The following CFAP157 variants were observed in gnomAD, a reference collection of about 807,000 sequenced individuals.
CFAP157 encodes cilia and flagella associated protein 157, also known as cilia- and flagella-associated protein 157.
Under a neutral mutation model 57.8 loss-of-function variants are expected in CFAP157, and 43 were observed. That is an observed-to-expected ratio of 0.74 (90% CI 0.58 to 0.96). The LOEUF (loss-of-function observed/expected upper bound fraction) is 0.96, where lower values mean the gene tolerates loss of function less well. Ranked by LOEUF, CFAP157 falls within the 40% of genes least tolerant of loss-of-function variation. The pLI, the probability that CFAP157 is intolerant of heterozygous loss-of-function variation, is 0.00. For synonymous variants in CFAP157, 267 were observed against 269.0 expected (o/e 0.99, Z 0.07); for missense variants, 606 against 655.3 (o/e 0.92, Z 0.82).
intron 7 of CFAP157, 68 bp downstream of exon 7, chr9:127,712,943 G>A: frequency 6.3e-7 from 1 of 1,590,246 alleles, no homozygotes; most frequent in Non-Finnish European, 8.6e-7. Context: ...TTCAGCCATG[G>A]GGACAGTGCT....
chr9:127,713,190 C>A lies in CFAP157; in HGVS notation c.1475C>A (p.Ala492Glu). ...ATCACCCGTGTGGGGACCTTCCGGG[C>A]ACACAGCAGCCCTGAGGTGAGGGTG... is the stretch of plus-strand genomic sequence containing the variant. ...SYITRVGTFR[A>E]HSSPEMRAPG... is the part of the protein sequence containing the mutation. The change falls in exon 8 of 9, where the codon GCA becomes GAA. Residue 492 changes from alanine to glutamate, a missense_variant. Transcript: ENST00000373295. 2 of 1,556,110 alleles carry A rather than the reference C, an allele frequency of 1.3e-6. No homozygotes were observed. Among genetic ancestry groups the A allele is most frequent in the East Asian group, 2.3e-5 (1 of 44,360 alleles).
rs532840158 is a variant in CFAP157, at chr9:127,710,713, T to C, written c.546T>C (p.Tyr182=). ...VRKQENEFRD[Y]AYNLEKKSVL... Reference sequence around the variant, plus strand: ...AGCAGGAGAATGAGTTCAGGGACTATGCATACAACCTGGAGAAGAAGTCGG... The same window carrying C: ...AGCAGGAGAATGAGTTCAGGGACTACGCATACAACCTGGAGAAGAAGTCGG... Residue 182 remains tyrosine, a synonymous_variant, in exon 3 of 9, where the codon TAT becomes TAC. Transcript: ENST00000373295. 1.8e-5 allele frequency: 29 copies of C among 1,572,958 alleles called. No individual in the cohort carries two copies. The African/African-American group carries it at 2.6e-4, about 14-fold the overall frequency.
rs1344656767 is a variant in CFAP157 at position 127,714,284 on chromosome 9, T to G, written c.*379T>G. 6.2e-7 allele frequency: 1 copy of G among 1,613,992 alleles called. No homozygotes were observed. The highest frequency in any genetic ancestry group is 2.2e-5 in the East Asian group (1 of 44,880). On this transcript the variant is annotated 3_prime_UTR_variant, in exon 9 of 9. Transcript: ENST00000373295. ...ACCCACCCGCAGCCTTGGCATTGCC[T>G]GTGGGAGAGCCAGAGAGGCCCAGGA... is the stretch of plus-strand genomic sequence containing the variant.
rs557520001 is a variant in CFAP157 at position 127,713,908 on chromosome 9, C to T, written c.*3C>T. On this transcript the variant is annotated 3_prime_UTR_variant, in exon 9 of 9. Coordinates refer to ENST00000373295, the MANE Select transcript of CFAP157 (RefSeq NM_001012502.3). ...AAGTTCCCCTACGTCCCAAGTAGGA[C>T]ACAGAGAGAAGAACCTACTCCAGAA... 30 of 1,612,592 alleles carry T rather than the reference C, an allele frequency of 1.9e-5. No individual in the cohort carries two copies. The highest frequency in any genetic ancestry group is 1.2e-4 in the Admixed American group (7 of 60,016).
chr9:127,708,921 G>A (rs1427954356), intron 1 of CFAP157, among the ~76,000 whole-genome samples: 2 of 152,242 alleles, frequency 1.3e-5, no homozygotes, highest in Non-Finnish European at 2.9e-5. Context: ...TGCAGAGCTG[G>A]CCGACTGCAG....
Position 127,715,045 on chromosome 9 carries a change from C to T in CFAP157, c.*1140C>T. On this transcript the variant is annotated 3_prime_UTR_variant, in exon 9 of 9. Transcript: ENST00000373295. The surrounding 1 kb of genome is among the most constrained non-coding windows in gnomAD (Gnocchi z 5.8). ...GCCGGAGCAGGACCAGTTGGGCATC[C>T]CCCAGCGGGGCCAGGGCGAGGTCGG... The T allele has an allele frequency of 3.3e-6, 5 of 1,525,570 alleles. No individual in the cohort carries two copies. Among genetic ancestry groups the T allele is most frequent in the African/African-American group, 2.8e-5 (2 of 72,624 alleles). 94.5% of individuals were successfully genotyped at this position (1,525,570 alleles called of 1,614,324 possible). A position where few individuals can be genotyped will look rare whatever the true frequency, so the allele number is the denominator to read the frequency against.
Position 127,712,185 on chromosome 9 carries a change from C to T in CFAP157, c.987-14C>T. The T allele has an allele frequency of 6.2e-7, 1 of 1,613,628 alleles. No homozygotes were observed. The highest frequency in any genetic ancestry group is 2.2e-5 in the East Asian group (1 of 44,862). On this transcript the variant is annotated splice_polypyrimidine_tract_variant and intron_variant, in intron 5 of 8. Coordinates refer to ENST00000373295, the MANE Select transcript of CFAP157 (RefSeq NM_001012502.3). ...AAGGGGGAAGGCTGTTGACTCATCC[C>T]AGTTGGGGTCCAGGAGCCAGAGAGA... is the stretch of plus-strand genomic sequence containing the variant.
In CFAP157 at chr9:127,710,623, G is replaced by A; in HGVS notation, c.456G>A (p.Glu152=). The A allele has an allele frequency of 1.3e-6, 2 of 1,585,830 alleles. No homozygotes were observed. The highest frequency in any genetic ancestry group is 1.7e-6 in the Non-Finnish European group (2 of 1,165,826). ...IILGGKLAAL[E]EFRLQKEEVT... ...CAGGGGGGAAGCTGGCAGCCCTGGA[G>A]GAGTTCCGGCTGCAGAAAGAGGAGG... The change falls in exon 3 of 9, where the codon GAG becomes GAA. Residue 152 remains glutamate (E), a synonymous_variant. Transcript: ENST00000373295.
In CFAP157 at chr9:127,714,998, T is replaced by G; in HGVS notation, c.*1093T>G. The G allele has an allele frequency of 1.7e-6, 2 of 1,208,442 alleles. No individual in the cohort carries two copies. The highest frequency in any genetic ancestry group is 1.0e-6 in the Non-Finnish European group (1 of 954,518). 74.9% of individuals were successfully genotyped at this position (1,208,442 alleles called of 1,614,324 possible). A position where few individuals can be genotyped will look rare whatever the true frequency, so the allele number is the denominator to read the frequency against. On this transcript the variant is annotated 3_prime_UTR_variant, in exon 9 of 9. Coordinates refer to ENST00000373295, the MANE Select transcript of CFAP157 (RefSeq NM_001012502.3). ...ACCAGCCCGGGCCACGCTGCGCCCG[T>G]TGGCGTTCATAAGCCGCCGTGGCCG...
chr9:127,707,196 C>T lies in CFAP157; in HGVS notation c.161+4C>T, dbSNP rs773825118. The T allele has an allele frequency of 9.3e-6, 15 of 1,608,848 alleles. No homozygotes were observed. Among genetic ancestry groups the T allele is most frequent in the East Asian group, 2.2e-5 (1 of 44,806 alleles). ...ACCTGGAGGACCGGCTAGCCCGGTG[C>T]GTGGGCTGGCGGGCAGGAGTCTGGT... On this transcript the variant is annotated splice_donor_region_variant and intron_variant, in intron 1 of 8. Transcript: ENST00000373295.
At position 127,714,433 on chromosome 9, in the gene CFAP157, G is replaced by A. The variant is rs113896491; in HGVS notation, c.*528G>A. On this transcript the variant is annotated 3_prime_UTR_variant, in exon 9 of 9. Transcript: ENST00000373295. ...GGACTCCATTGTGGCCCCTTCAAGG[G>A]ATATGGGAGGGGCAGTTAGTGCCTC... is the stretch of plus-strand genomic sequence containing the variant. The A allele has an allele frequency of 1.3e-5, 21 of 1,614,094 alleles. No homozygotes were observed. The African/African-American group carries it at 1.3e-4, about 10-fold the overall frequency.
Position 127,709,316 on chromosome 9 carries a change from A to T in CFAP157, c.162-106A>T. The T allele has an allele frequency of 8.1e-7, 1 of 1,229,508 alleles. No homozygotes were observed. The highest frequency in any genetic ancestry group is 1.1e-6 in the Non-Finnish European group (1 of 888,514). The allele number at this position is 1,229,508 out of a possible 1,614,324, so 76.2% of individuals were successfully genotyped here. A position where few individuals can be genotyped will look rare whatever the true frequency, so the allele number is the denominator to read the frequency against. ...CTGGATTCTGATCACAAGGAAACTC[A>T]AATGCCCCTTTACGGGACAGGGAGT... On this transcript the variant is annotated intron_variant, in intron 1 of 8. Coordinates refer to ENST00000373295, the MANE Select transcript of CFAP157 (RefSeq NM_001012502.3). This position sits in a 1 kb window ranked among gnomAD's most constrained non-coding sequence, Gnocchi z 4.7.
chr9:127,715,199 G>A lies in CFAP157; in HGVS notation c.*1294G>A, dbSNP rs1486018814. 6.6e-7 allele frequency: 1 copy of A among 1,525,680 alleles called. No individual in the cohort carries two copies. The highest frequency in any genetic ancestry group is 2.0e-5 in the Admixed American group (1 of 49,712). 94.5% of individuals were successfully genotyped at this position (1,525,680 alleles called of 1,614,324 possible). A position where few individuals can be genotyped will look rare whatever the true frequency, so the allele number is the denominator to read the frequency against. On this transcript the variant is annotated 3_prime_UTR_variant, in exon 9 of 9. Transcript: ENST00000373295. The surrounding 1 kb of genome is among the most constrained non-coding windows in gnomAD (Gnocchi z 5.8). ...GGGATTCCCCAGGCCAGCCACCTGC[G>A]GGCGGCACCAGGGAAACTGAGGCCC...
rs1159832814 is a variant in CFAP157, at chr9:127,712,886, G to A, written c.1304+11G>A. 6.2e-7 allele frequency: 1 copy of A among 1,604,116 alleles called. No individual in the cohort carries two copies. The highest frequency in any genetic ancestry group is 8.5e-7 in the Non-Finnish European group (1 of 1,174,944). On this transcript the variant is annotated intron_variant, in intron 7 of 8. Coordinates refer to ENST00000373295, the MANE Select transcript of CFAP157 (RefSeq NM_001012502.3). The stretch of plus-strand genomic sequence containing the variant: ...CCCACCCAAGGAGAGGTAAGCAAGT[G>A]GCCCTGTGTGGCCTCAGAGGCAGCC...
At position 127,709,704 on chromosome 9, in the gene CFAP157, G is replaced by T. The variant is rs200871397; in HGVS notation, c.433+11G>T. ...AGAACATCATCCTTGGTGAGGAGGG[G>T]ACTGGCTGGTGAGCCTGCAGGCACA... On this transcript the variant is annotated intron_variant, in intron 2 of 8. Coordinates refer to ENST00000373295, the MANE Select transcript of CFAP157 (RefSeq NM_001012502.3). This position sits in a 1 kb window ranked among gnomAD's most constrained non-coding sequence, Gnocchi z 4.7. 2.2e-5 allele frequency: 35 copies of T among 1,609,560 alleles called. No individual in the cohort carries two copies. In the South Asian group the frequency reaches 3.7e-4, roughly 17 times the overall value.
At position 127,709,418 on chromosome 9, in the gene CFAP157, C is replaced by T; in HGVS notation, c.162-4C>T. 6.2e-7 allele frequency: 1 copy of T among 1,612,566 alleles called. No individual in the cohort carries two copies. Reference sequence around the variant, plus strand: ...CCTGGACCACGGCTCTGCCCCTGCCCCAGGTACCAGCGGAAGTGGGATGAG... The same window carrying T: ...CCTGGACCACGGCTCTGCCCCTGCCTCAGGTACCAGCGGAAGTGGGATGAG... On this transcript the variant is annotated splice_region_variant and splice_polypyrimidine_tract_variant and intron_variant, in intron 1 of 8. Transcript: ENST00000373295. The surrounding 1 kb of genome is among the most constrained non-coding windows in gnomAD (Gnocchi z 4.7).
Position 127,714,016 on chromosome 9 carries a change from G to C in CFAP157, c.*111G>C. 1.9e-6 allele frequency: 3 copies of C among 1,583,434 alleles called. No individual in the cohort carries two copies. The South Asian group carries it at 3.3e-5, about 18-fold the overall frequency. On this transcript the variant is annotated 3_prime_UTR_variant, in exon 9 of 9. Transcript: ENST00000373295. ...CTAGAGGAGATTTGTATAAAAAGTAGATACCAAGGCTGGCGTGGCAGCTCT... is the reference window on the plus strand; with the variant it reads ...CTAGAGGAGATTTGTATAAAAAGTACATACCAAGGCTGGCGTGGCAGCTCT...
chr9:127,712,159 G>C lies in CFAP157; in HGVS notation c.987-40G>C, dbSNP rs1842780930. ...GGCCCCAGGTGGCCCCAGTCCTGGG[G>C]AAGGGGGAAGGCTGTTGACTCATCC... On this transcript the variant is annotated intron_variant, in intron 5 of 8. Coordinates refer to ENST00000373295, the MANE Select transcript of CFAP157 (RefSeq NM_001012502.3). 1.9e-6 allele frequency: 3 copies of C among 1,610,222 alleles called. No individual in the cohort carries two copies. In the East Asian group the frequency reaches 6.7e-5, roughly 36 times the overall value.
chr9:127,714,287 G>C lies in CFAP157; in HGVS notation c.*382G>C, dbSNP rs763754948. The C allele has an allele frequency of 5.0e-6, 8 of 1,613,974 alleles. No homozygotes were observed. Among genetic ancestry groups the C allele is most frequent in the Non-Finnish European group, 6.8e-6 (8 of 1,179,916 alleles). The stretch of plus-strand genomic sequence containing the variant: ...CACCCGCAGCCTTGGCATTGCCTGT[G>C]GGAGAGCCAGAGAGGCCCAGGAAGC... On this transcript the variant is annotated 3_prime_UTR_variant, in exon 9 of 9. Coordinates refer to ENST00000373295, the MANE Select transcript of CFAP157 (RefSeq NM_001012502.3).
Sources: gnomAD v4.1 joint callset for allele counts (sites outside exome capture counted in the v4.1 genomes callset) on GRCh38, gnomAD v4.1.1 for gene constraint, Gnocchi (gnomAD v3.1) non-coding constraint, MANE v1.5 for transcripts, NCBI Gene and HGNC (gene_info 2026-07-23, HGNC 2026-07-21) for gene names.